INPP1: variants seen among roughly 807,000 people sequenced by gnomAD.
The protein encoded by INPP1 is inositol polyphosphate 1-phosphatase.
In INPP1, 18 loss-of-function variants were observed where a neutral mutation model predicts 23.0. That is an observed-to-expected ratio of 0.78 (90% CI 0.54 to 1.16). The LOEUF (loss-of-function observed/expected upper bound fraction) is 1.16. INPP1 is among the 50% of genes most tolerant of loss of function. The probability of loss-of-function intolerance (pLI) is 0.00; values close to 1 mark genes in which losing one functional copy is unlikely to be tolerated. For synonymous variants in INPP1, 164 were observed against 176.3 expected, an observed-to-expected ratio of 0.93 and a Z score of 0.55; for missense variants, 448 against 482.1, an observed-to-expected ratio of 0.93 and a Z score of 0.66.
In INPP1 at chr2:190,371,106, G is replaced by A. The variant is rs771309425; in HGVS notation, c.904G>A (p.Val302Ile). Residue 302 changes from valine to isoleucine, a missense_variant, in exon 7 of 7, where the codon GTT (valine) becomes ATT (isoleucine). Transcript: ENST00000392329. The surrounding 1 kb of genome is among the most constrained non-coding windows in gnomAD (Gnocchi z 5.3). Reference protein sequence around the residue: ...YKSLCVVQGLVDIYIFSEDTT... With the variant: ...YKSLCVVQGLIDIYIFSEDTT... ...GAGCCTATGTGTTGTCCAAGGCCTC[G>A]TTGACATTTACATCTTTTCAGAAGA... 2.0e-5 allele frequency: 33 copies of A among 1,614,196 alleles called. No individual in the cohort carries two copies. The highest frequency in any genetic ancestry group is 1.6e-4 in the Middle Eastern group (1 of 6,062).
rs141439287 is a variant in INPP1 at position 190,356,688 on chromosome 2, G to A, written c.-64-3351G>A. ...TCTTGGTTATTCAACAGTGTAGTTAGTATCGTTTCTTTTAAGAAAAAAAAT... is the reference window on the plus strand; with the variant it reads ...TCTTGGTTATTCAACAGTGTAGTTAATATCGTTTCTTTTAAGAAAAAAAAT... On this transcript the variant is annotated intron_variant, in intron 2 of 6. Transcript: ENST00000392329. This position sits in a 1 kb window ranked among gnomAD's most constrained non-coding sequence, Gnocchi z 6.4. 1 of 152,120 alleles carries A rather than the reference G, an allele frequency of 6.6e-6. No homozygotes were observed. The highest frequency in any genetic ancestry group is 1.5e-5 in the Non-Finnish European group (1 of 68,022). 9.4% of individuals were successfully genotyped at this position (152,120 alleles called of 1,614,324 possible).
In INPP1 at chr2:190,355,691, A is replaced by G. The variant is rs891764979; in HGVS notation, c.-64-4348A>G. On this transcript the variant is annotated intron_variant, in intron 2 of 6. Coordinates refer to ENST00000392329, the MANE Select transcript of INPP1 (RefSeq NM_001128928.2). The surrounding 1 kb of genome is among the most constrained non-coding windows in gnomAD (Gnocchi z 5.1). ...AGGCTATTAAATTATGGTAAATGCC[A>G]TAACTTACTAATCATAAGTCTATAA... is the stretch of plus-strand genomic sequence containing the variant. Among the ~76,000 whole-genome samples the G allele has an allele frequency of 6.6e-6, 1 of 152,246 alleles. No homozygotes were observed. Among genetic ancestry groups the G allele is most frequent in the African/African-American group, 2.4e-5 (1 of 41,458 alleles).
chr2:190,366,744 G>A lies in INPP1; in HGVS notation c.315G>A (p.Glu105=), dbSNP rs1689685042. ...GTTCAACAGAGGAGGAAACAGCAGA[G>A]CTTCTTAGCAAAGTCCTCAATGGTA... is the stretch of plus-strand genomic sequence containing the variant. ...RLCSTEEETA[E]LLSKVLNGNK... The change falls in exon 5 of 7, where the codon GAG becomes GAA. Residue 105 remains glutamate, a synonymous_variant. Transcript: ENST00000392329. 4 of 1,613,554 alleles carry A rather than the reference G, an allele frequency of 2.5e-6. No homozygotes were observed. In the Admixed American group the frequency reaches 6.7e-5, roughly 27 times the overall value.
chr2:190,349,503 T>A (rs539959023), intron 2 of INPP1, among the ~76,000 whole-genome samples: 1 of 152,324 alleles, frequency 6.6e-6, no homozygotes, highest in South Asian at 2.1e-4. Context: ...ATAAATAATA[T>A]TCTATTGGAA....
At position 190,356,080 on chromosome 2, in the gene INPP1, G is replaced by T. The variant is rs1689416128; in HGVS notation, c.-64-3959G>T. Among the ~76,000 whole-genome samples the T allele has an allele frequency of 6.6e-6, 1 of 152,158 alleles. No homozygotes were observed. The highest frequency in any genetic ancestry group is 1.5e-5 in the Non-Finnish European group (1 of 68,040). On this transcript the variant is annotated intron_variant, in intron 2 of 6. Transcript: ENST00000392329. The surrounding 1 kb of genome is among the most constrained non-coding windows in gnomAD (Gnocchi z 6.4). ...ATTATTTCAAGTTGAGCCATTCAAG[G>T]TTAGGATGAATTGTGCAATGCTTCC...
At position 190,355,936 on chromosome 2, in the gene INPP1, T is replaced by C. The variant is rs1262944345; in HGVS notation, c.-64-4103T>C. Among the ~76,000 whole-genome samples, 1 of 151,854 alleles carries C rather than the reference T, an allele frequency of 6.6e-6. No homozygotes were observed. Among genetic ancestry groups the C allele is most frequent in the Admixed American group, 6.6e-5 (1 of 15,250 alleles). ...GAACTTAGAATAAAAGTTGAAAAAA[T>C]AAATAAATTAATTAAAAAATCATCT... On this transcript the variant is annotated intron_variant, in intron 2 of 6. Coordinates refer to ENST00000392329, the MANE Select transcript of INPP1 (RefSeq NM_001128928.2). The surrounding 1 kb of genome is among the most constrained non-coding windows in gnomAD (Gnocchi z 5.1).
At chr2:190,353,383 G>T (rs1458792609) in intron 2 of INPP1, among the ~76,000 whole-genome samples, 1 of 152,178 alleles carries the variant, frequency 6.6e-6, no homozygotes, top group East Asian at 1.9e-4. Flanking sequence ...CTTTATTTGG[G>T]TTACTCAGAG....
At chr2:190,366,427 CTG>C (rs1689673936) in intron 4 of INPP1, among the ~76,000 whole-genome samples, 1 of 144,512 alleles carries the variant, frequency 6.9e-6, no homozygotes, top group Non-Finnish European at 1.5e-5. Context: ...CTGTCTCACT[CTG>C]TCTCACTCTG....
intron 2 of INPP1, among the ~76,000 whole-genome samples, chr2:190,351,458 A>G (rs1689322046): frequency 6.6e-6 from 1 of 152,368 alleles, no homozygotes; most frequent in East Asian, 1.9e-4. Context: ...CAGAGCTGCC[A>G]TCAGTAACCC....
intron 6 of INPP1, among the ~76,000 whole-genome samples, chr2:190,369,509 G>T (rs1689757824): frequency 6.6e-6 from 1 of 152,150 alleles, no homozygotes; most frequent in African/African-American, 2.4e-5. Flanking sequence ...CTATCCTGTA[G>T]AAATCATAGT....
At chr2:190,362,783 T>C (rs1053460846) in intron 4 of INPP1, 96 bp downstream of exon 4, 10 of 725,152 alleles carry the variant, frequency 1.4e-5, no homozygotes, top group Admixed American at 5.7e-5. Context: ...TGGAAGCCAC[T>C]TACTGTAAAC....
chr2:190,358,878 GT>G (rs1689478419), intron 2 of INPP1, among the ~76,000 whole-genome samples: 1 of 152,166 alleles, frequency 6.6e-6, no homozygotes, highest in South Asian at 2.1e-4. Context: ...TTATTCAACC[GT>G]TTACTGGGTA....
Position 190,366,707 on chromosome 2 carries a change from C to T in INPP1, c.278C>T (p.Thr93Ile). The T allele has an allele frequency of 1.2e-6, 2 of 1,611,834 alleles. No homozygotes were observed. The highest frequency in any genetic ancestry group is 1.7e-6 in the Non-Finnish European group (2 of 1,177,962). The change falls in exon 5 of 7, where the codon ACC (threonine) becomes ATC (isoleucine). Residue 93 changes from threonine to isoleucine, a missense_variant. Thr to Ile is a moderately conservative substitution (Grantham distance 89). Coordinates refer to ENST00000392329, the MANE Select transcript of INPP1 (RefSeq NM_001128928.2). ...EFTNDWGEKI[T>I]LRLCSTEEET... ...GGCTTTACCCTAGGGGAAAAGATTA[C>T]CTTGAGGTTGTGTTCAACAGAGGAG... is the stretch of plus-strand genomic sequence containing the variant.
At chr2:190,359,733 T>G (rs937122266) in intron 2 of INPP1, 1 of 265,042 alleles carries the variant, frequency 3.8e-6, no homozygotes, top group Non-Finnish European at 7.4e-6. Context: ...TTTAGCATTG[T>G]GCTTGTGTGT....
intron 2 of INPP1, among the ~76,000 whole-genome samples, chr2:190,350,817 A>AGGGCT (rs1423610708): frequency 1.3e-5 from 2 of 152,230 alleles, no homozygotes. Context: ...ATTTTGAGTG[A>AGGGCT]TTTAATTAAA....
In INPP1 at chr2:190,367,094, G is replaced by A. The variant is rs1475245114; in HGVS notation, c.466+199G>A. On this transcript the variant is annotated intron_variant, in intron 5 of 6. Transcript: ENST00000392329. This position sits in a 1 kb window ranked among gnomAD's most constrained non-coding sequence, Gnocchi z 4.1. ...GTATATATACATATATATTATAGCC[G>A]TGTGTATATATATACATATCTATAA... is the stretch of plus-strand genomic sequence containing the variant. 6.6e-6 allele frequency among the ~76,000 whole-genome samples: 1 copy of A among 152,010 alleles called. No homozygotes were observed. The highest frequency in any genetic ancestry group is 1.9e-4 in the East Asian group (1 of 5,194).
In INPP1 at chr2:190,367,116, A is replaced by G; in HGVS notation, c.466+221A>G. On this transcript the variant is annotated intron_variant, in intron 5 of 6. Transcript: ENST00000392329. This position sits in a 1 kb window ranked among gnomAD's most constrained non-coding sequence, Gnocchi z 4.1. ...GCCGTGTGTATATATATACATATCT[A>G]TAACAGGTGTGTGTATATACACACA... Among the ~76,000 whole-genome samples, 1 of 152,196 alleles carries G rather than the reference A, an allele frequency of 6.6e-6. No homozygotes were observed. The highest frequency in any genetic ancestry group is 1.9e-4 in the East Asian group (1 of 5,202).
Position 190,370,891 on chromosome 2 carries a change from T to G in INPP1, c.689T>G (p.Met230Arg), listed in dbSNP as rs766914572. 3 of 1,614,080 alleles carry G rather than the reference T, an allele frequency of 1.9e-6. No individual in the cohort carries two copies. The Admixed American group carries it at 5.0e-5, about 27-fold the overall frequency. Residue 230 changes from methionine (M) to arginine (R), a missense_variant, in exon 7 of 7, where the codon ATG (methionine) becomes AGG (arginine). Coordinates refer to ENST00000392329, the MANE Select transcript of INPP1 (RefSeq NM_001128928.2). ...GGCCTTTCTTACATGGGGACCAACA[T>G]GCATTCACTACAGCTCACCATCTCT... ...YWGLSYMGTN[M>R]HSLQLTISRR... is the part of the protein sequence containing the mutation.
chr2:190,361,739 G>A (rs1262046577), intron 3 of INPP1, among the ~76,000 whole-genome samples: 2 of 152,214 alleles, frequency 1.3e-5, no homozygotes, highest in African/African-American at 4.8e-5. Context: ...AGGCTTGGGA[G>A]ACTGAGTTTC....
Sources: allele counts gnomAD v4.1 joint callset (sites outside exome capture counted in the v4.1 genomes callset), GRCh38; gene constraint gnomAD v4.1.1; non-coding constraint Gnocchi (gnomAD v3.1); transcripts MANE v1.5; gene names NCBI Gene and HGNC (gene_info 2026-07-23, HGNC 2026-07-21).